The following CROCC2 variants were observed in gnomAD, a reference collection of about 807,000 sequenced individuals.
The protein encoded by CROCC2 is ciliary rootlet coiled-coil protein 2.
In CROCC2, 163 loss-of-function variants were observed where a neutral mutation model predicts 177.6. The ratio of observed to expected loss-of-function variants is 0.92; its 90% CI spans 0.81 to 1.05. The LOEUF (loss-of-function observed/expected upper bound fraction) is 1.05, where lower values mean the gene tolerates loss of function less well. Among genes scored for constraint, CROCC2 ranks in the 50% least tolerant of loss-of-function variants. CROCC2 has a pLI of 0.00. For synonymous variants in CROCC2, 904 were observed against 787.3 expected (o/e 1.15, Z -2.48); for missense variants, 1,929 against 1,797.8 (o/e 1.07, Z -1.32).
intron 27 of CROCC2, among the ~76,000 whole-genome samples, chr2:240,974,538 T>TC (rs1014916372): frequency 6.8e-6 from 1 of 147,772 alleles, no homozygotes; most frequent in African/African-American, 2.5e-5. Flanking sequence ...TTTTTTCTTT[T>TC]TTTTTTTTTT....
At chr2:240,946,344 A>G (rs2059524534) in intron 15 of CROCC2, 91 bp downstream of exon 15, 3 of 1,262,740 alleles carry the variant, frequency 2.4e-6, no homozygotes, top group South Asian at 3.2e-5. Context: ...CAATCGCACC[A>G]TGACATAGGA....
chr2:240,913,931 A>T (rs1574742305), intron 1 of CROCC2, among the ~76,000 whole-genome samples: 1 of 152,222 alleles, frequency 6.6e-6, no homozygotes, highest in Admixed American at 6.5e-5. Context: ...CTGTCCTCAG[A>T]TGTGTTCTTC....
rs1012468622 is a variant in CROCC2 at position 240,960,714 on chromosome 2, G to A, written c.3087+1270G>A. On this transcript the variant is annotated intron_variant, in intron 20 of 31. Transcript: ENST00000690015. The surrounding 1 kb of genome is among the most constrained non-coding windows in gnomAD (Gnocchi z 5.0). Reference sequence around the variant, plus strand: ...CACGCCCCAGAGGCCGGGCCGGCCGGCAGGGGAGAGTGAGAAGAGGGGCTC... The same window carrying A: ...CACGCCCCAGAGGCCGGGCCGGCCGACAGGGGAGAGTGAGAAGAGGGGCTC... Among the ~76,000 whole-genome samples the A allele has an allele frequency of 2.0e-5, 3 of 152,134 alleles. No homozygotes were observed. The highest frequency in any genetic ancestry group is 7.2e-5 in the African/African-American group (3 of 41,448).
chr2:240,973,593 C>T lies in CROCC2; in HGVS notation c.4401+5331C>T, dbSNP rs1028563758. On this transcript the variant is annotated intron_variant, in intron 27 of 31. Coordinates refer to ENST00000690015, the MANE Select transcript of CROCC2 (RefSeq NM_001351305.2). This position sits in a 1 kb window ranked among gnomAD's most constrained non-coding sequence, Gnocchi z 4.7. The stretch of plus-strand genomic sequence containing the variant: ...CCCAGTGCCAGCCTTGCAGGTCACC[C>T]GCCTGTGGGGGCTCAACTCAGCGTC... 3.9e-5 allele frequency among the ~76,000 whole-genome samples: 6 copies of T among 152,154 alleles called. No individual in the cohort carries two copies. The highest frequency in any genetic ancestry group is 4.2e-4 in the South Asian group (2 of 4,812).
Position 240,965,382 on chromosome 2 carries a change from TGA to T in CROCC2, c.3469_3470del (p.Arg1157AspfsTer15), listed in dbSNP as rs1240248682. On this transcript the variant is annotated frameshift_variant and splice_region_variant, in exon 23 of 32. Coordinates refer to ENST00000690015, the MANE Select transcript of CROCC2 (RefSeq NM_001351305.2). LOFTEE classifies it high-confidence loss of function. ...GTCCGTGCGGCCCCACGCTCCCAGG[TGA>T]GGACACTGAAGGCCGAGAACCAGAG... 6.5e-7 allele frequency: 1 copy of T among 1,549,016 alleles called. No homozygotes were observed. The highest frequency in any genetic ancestry group is 1.4e-5 in the African/African-American group (1 of 72,954).
intron 14 of CROCC2, 47 bp downstream of exon 14, chr2:240,935,635 G>A: frequency 7.5e-7 from 1 of 1,340,490 alleles, no homozygotes; most frequent in Non-Finnish European, 9.7e-7. Context: ...GATGCGGCTG[G>A]GTGGCAGGTC....
At chr2:240,992,311 G>T (rs2059885113) in intron 31 of CROCC2, among the ~76,000 whole-genome samples, 1 of 152,074 alleles carries the variant, frequency 6.6e-6, no homozygotes, top group African/African-American at 2.4e-5. Flanking sequence ...CAGTCGCAAG[G>T]ACTCTGGCCT....
chr2:240,952,637 A>G (rs952931367), intron 18 of CROCC2, among the ~76,000 whole-genome samples: 1 of 152,298 alleles, frequency 6.6e-6, no homozygotes, highest in East Asian at 1.9e-4. Context: ...CATTGGCAGG[A>G]TGTCTGGGCA....
rs189752851 is a variant in CROCC2, at chr2:240,934,932, C to T, written c.1808C>T (p.Ala603Val). The change falls in exon 13 of 32, where the codon GCG (alanine) becomes GTG (valine). Residue 603 changes from alanine to valine, a missense_variant. Physicochemically the swap from Ala to Val is moderately conservative, Grantham distance 64. Transcript: ENST00000690015. Reference protein sequence around the residue: ...SALARAECSNADLELLVRRLK... With the variant: ...SALARAECSNVDLELLVRRLK... The stretch of plus-strand genomic sequence containing the variant: ...CTGCCCCAGGCCGAGTGCAGCAATG[C>T]GGACCTGGAGCTTCTTGTGAGGCGG... The T allele has an allele frequency of 2.7e-4, 410 of 1,520,090 alleles. 1 individual carries two copies. In the African/African-American group the frequency reaches 2.7e-3, roughly 10 times the overall value. The allele number at this position is 1,520,090 out of a possible 1,614,324, so 94.2% of individuals were successfully genotyped here. A position where few individuals can be genotyped will look rare whatever the true frequency, so the allele number is the denominator to read the frequency against.
rs1006633168 is a variant in CROCC2, at chr2:240,965,247, C to T, written c.3466-134C>T. On this transcript the variant is annotated intron_variant, in intron 22 of 31. Transcript: ENST00000690015. Reference sequence around the variant, plus strand: ...ACTCCCAGGGCAAGGTCCTTTGGGGCACCTTAGCCCAAGCCTCCCTAAGTG... The same window carrying T: ...ACTCCCAGGGCAAGGTCCTTTGGGGTACCTTAGCCCAAGCCTCCCTAAGTG... 2.1e-5 allele frequency: 28 copies of T among 1,304,226 alleles called. No individual in the cohort carries two copies. In the African/African-American group the frequency reaches 3.7e-4, roughly 17 times the overall value. 80.8% of individuals were successfully genotyped at this position (1,304,226 alleles called of 1,614,324 possible). A position where few individuals can be genotyped will look rare whatever the true frequency, so the allele number is the denominator to read the frequency against.
Position 240,917,160 on chromosome 2 carries a change from C to A in CROCC2, c.79-1566C>A, listed in dbSNP as rs1270807380. Among the ~76,000 whole-genome samples, 2 of 152,142 alleles carry A rather than the reference C, an allele frequency of 1.3e-5. No individual in the cohort carries two copies. Among genetic ancestry groups the A allele is most frequent in the Non-Finnish European group, 2.9e-5 (2 of 68,014 alleles). The stretch of plus-strand genomic sequence containing the variant: ...GTGCACGGGCTGTCGGGAGGACGGG[C>A]GGGCTGGCCCCAGACCTCAGCTGAT... On this transcript the variant is annotated intron_variant, in intron 1 of 31. Coordinates refer to ENST00000690015, the MANE Select transcript of CROCC2 (RefSeq NM_001351305.2). The surrounding 1 kb of genome is among the most constrained non-coding windows in gnomAD (Gnocchi z 4.9).
In CROCC2 at chr2:240,958,650, C is replaced by T. The variant is rs2059609482; in HGVS notation, c.2944-651C>T. The T allele has an allele frequency of 3.7e-5, 35 of 936,004 alleles. No individual in the cohort carries two copies. Among genetic ancestry groups the T allele is most frequent in the Non-Finnish European group, 4.3e-5 (34 of 784,976 alleles). The allele number at this position is 936,004 out of a possible 1,614,324, so 58.0% of individuals were successfully genotyped here. ...TGAACCCAGGGGTGCAGAGCCTGAG[C>T]AGGGCAGGGCTCGGACCCTTCATGT... On this transcript the variant is annotated intron_variant, in intron 19 of 31. Coordinates refer to ENST00000690015, the MANE Select transcript of CROCC2 (RefSeq NM_001351305.2). The surrounding 1 kb of genome is among the most constrained non-coding windows in gnomAD (Gnocchi z 6.7).
intron 10 of CROCC2, 114 bp from the exon 11 acceptor site, chr2:240,933,556 C>T: frequency 7.8e-7 from 1 of 1,287,582 alleles, no homozygotes; most frequent in Non-Finnish European, 1.1e-6. Context: ...CAGGCTCCCT[C>T]TGCCCATGCA....
chr2:240,951,694 T>A (rs2059557884), intron 18 of CROCC2, among the ~76,000 whole-genome samples: 1 of 152,112 alleles, frequency 6.6e-6, no homozygotes, highest in Non-Finnish European at 1.5e-5. Context: ...CATCCATCCA[T>A]CCACTTAACA....
intron 14 of CROCC2, among the ~76,000 whole-genome samples, chr2:240,937,476 A>G (rs2059477630): frequency 6.6e-6 from 1 of 152,112 alleles, no homozygotes; most frequent in African/African-American, 2.4e-5. Context: ...CTGCCTGTAC[A>G]TTTTCTCAAT....
intron 18 of CROCC2, among the ~76,000 whole-genome samples, chr2:240,954,001 G>T (rs1253587357): frequency 1.3e-5 from 2 of 152,148 alleles, no homozygotes; most frequent in Admixed American, 6.5e-5. Context: ...GGAGGGAGAG[G>T]CAGGGCCCCA....
chr2:240,959,618 A>AAGGGG (rs1452177594), intron 20 of CROCC2, 174 bp downstream of exon 20: 5 of 814,598 alleles, frequency 6.1e-6, no homozygotes, highest in African/African-American at 1.8e-5. Flanking sequence ...GGCATGGGAC[A>AAGGGG]AGGGGCCCTC....
At chr2:240,945,872 T>C (rs2059520643) in intron 14 of CROCC2, among the ~76,000 whole-genome samples, 188 bp from the exon 15 acceptor site, 1 of 151,922 alleles carries the variant, frequency 6.6e-6, no homozygotes, top group African/African-American at 2.4e-5. Flanking sequence ...GGTACCTGAG[T>C]GGATGCCCCC....
intron 30 of CROCC2, 81 bp downstream of exon 30, chr2:240,989,914 G>A: frequency 7.3e-7 from 1 of 1,367,996 alleles, no homozygotes; most frequent in Non-Finnish European, 9.8e-7. Flanking sequence ...CCCAGTAGGG[G>A]TGACTTCTTG....
Sources: allele counts gnomAD v4.1 joint callset (sites outside exome capture counted in the v4.1 genomes callset), GRCh38; gene constraint gnomAD v4.1.1; non-coding constraint Gnocchi (gnomAD v3.1); transcripts MANE v1.5; gene names NCBI Gene and HGNC (gene_info 2026-07-23, HGNC 2026-07-21).